MDFIC: variants seen among roughly 807,000 people sequenced by gnomAD.
MDFIC encodes the protein myoD family inhibitor domain-containing protein.
Under a neutral mutation model 23.2 loss-of-function variants are expected in MDFIC, and 17 were observed. That is an observed-to-expected ratio of 0.73 (90% confidence interval 0.50 to 1.10). The LOEUF (loss-of-function observed/expected upper bound fraction) is 1.10, where lower values mean the gene tolerates loss of function less well. Ranked by LOEUF, MDFIC falls within the 50% of genes least tolerant of loss-of-function variation. The pLI, the probability that MDFIC is intolerant of heterozygous loss-of-function variation, is 0.00. For synonymous variants in MDFIC, 120 were observed against 115.2 expected, an observed-to-expected ratio of 1.04 and a Z score of -0.27; for missense variants, 356 against 316.6, an observed-to-expected ratio of 1.12 and a Z score of -0.95.
In MDFIC at chr7:115,009,446, G is replaced by C. The variant is rs1322891955; in HGVS notation, c.494-6242G>C. ...AATAGTTTTCTGATGGCTCAATCAG[G>C]GTTCCTTTCACTTTAATAAACTGCA... On this transcript the variant is annotated intron_variant, in intron 4 of 4. Coordinates refer to ENST00000393486, the MANE Select transcript of MDFIC (RefSeq NM_001166345.3). Among the ~76,000 whole-genome samples, 4 of 152,242 alleles carry C rather than the reference G, an allele frequency of 2.6e-5. No homozygotes were observed. In the East Asian group the frequency reaches 7.7e-4, roughly 29 times the overall value.
intron 2 of MDFIC, among the ~76,000 whole-genome samples, chr7:114,925,432 G>A (rs1013253036): frequency 1.3e-5 from 2 of 152,128 alleles, no homozygotes; most frequent in Non-Finnish European, 2.9e-5. Context: ...AATTAGAAAG[G>A]TTGTCCATAT....
intron 4 of MDFIC, among the ~76,000 whole-genome samples, chr7:115,008,499 T>C (rs1481306130): frequency 6.6e-6 from 1 of 152,204 alleles, no homozygotes; most frequent in Non-Finnish European, 1.5e-5. Flanking sequence ...CTAAGATGTG[T>C]GGCCTCTTGG....
Position 114,922,602 on chromosome 7 carries a change from G to A in MDFIC, c.-142G>A, listed in dbSNP as rs746381905. 7.1e-6 allele frequency: 9 copies of A among 1,269,542 alleles called. No individual in the cohort carries two copies. In the East Asian group the frequency reaches 2.2e-4, roughly 31 times the overall value. 78.6% of individuals were successfully genotyped at this position (1,269,542 alleles called of 1,614,324 possible). A position where few individuals can be genotyped will look rare whatever the true frequency, so the allele number is the denominator to read the frequency against. ...GGCGGAAGAGGAGGAGGAGGAGGAG[G>A]AAGGGGCTTGGAGCGACTACGGGGG... On this transcript the variant is annotated 5_prime_UTR_variant, in exon 1 of 5. Coordinates refer to ENST00000393486, the MANE Select transcript of MDFIC (RefSeq NM_001166345.3).
At chr7:114,995,401 C>T (rs1791302076) in intron 4 of MDFIC, among the ~76,000 whole-genome samples, 1 of 152,138 alleles carries the variant, frequency 6.6e-6, no homozygotes, top group East Asian at 1.9e-4. Flanking sequence ...GAGCTGTGTT[C>T]CTTTGGAGGG....
At position 114,929,084 on chromosome 7, in the gene MDFIC, G is replaced by GATCGATCTATCTATCTATCTATCT. The variant is rs1554470006; in HGVS notation, c.94+5960_94+5961insGATCTATCTATCTATCTATCTATC. 1.7e-4 allele frequency among the ~76,000 whole-genome samples: 25 copies of GATCGATCTATCTATCTATCTATCT among 148,078 alleles called. 1 individual carries two copies. The highest frequency in any genetic ancestry group is 8.2e-4 in the East Asian group (4 of 4,868). ...AGATATAGATCTATAGATAAATATAGATCTATCTATCTATCTATCATCTAT... is the reference window on the plus strand; with the variant it reads ...AGATATAGATCTATAGATAAATATAGATCGATCTATCTATCTATCTATCTATCTATCTATCTATCTATCATCTAT... On this transcript the variant is annotated intron_variant, in intron 2 of 4. Transcript: ENST00000393486.
intron 4 of MDFIC, among the ~76,000 whole-genome samples, chr7:115,000,054 C>T (rs1346924859): frequency 6.6e-6 from 1 of 152,064 alleles, no homozygotes; most frequent in Non-Finnish European, 1.5e-5. Flanking sequence ...ATTTATTCTA[C>T]CTCAACTTTA....
chr7:115,001,512 C>G (rs1396097354), intron 4 of MDFIC, among the ~76,000 whole-genome samples: 2 of 152,126 alleles, frequency 1.3e-5, no homozygotes, highest in African/African-American at 4.8e-5. Flanking sequence ...TTAGAAGGAA[C>G]ATTTTAACAT....
chr7:114,951,866 C>T (rs1316045843), intron 3 of MDFIC, among the ~76,000 whole-genome samples: 2 of 152,078 alleles, frequency 1.3e-5, no homozygotes, highest in Non-Finnish European at 2.9e-5. Context: ...GAGATAGAAC[C>T]AGCTACATGA....
intron 3 of MDFIC, among the ~76,000 whole-genome samples, chr7:114,948,890 A>G (rs187915965): frequency 6.6e-6 from 1 of 152,336 alleles, no homozygotes; most frequent in East Asian, 1.9e-4. Context: ...AAGAAAAAAG[A>G]GACTGCTTTA....
intron 4 of MDFIC, among the ~76,000 whole-genome samples, chr7:114,991,287 A>C (rs990970431): frequency 4.4e-4 from 67 of 151,822 alleles, no homozygotes; most frequent in African/African-American, 1.2e-3. Context: ...AATTTTCTCC[A>C]ATTCTGTAGG....
intron 3 of MDFIC, among the ~76,000 whole-genome samples, chr7:114,954,929 C>T (rs1376612899): frequency 6.6e-6 from 1 of 152,100 alleles, no homozygotes; most frequent in South Asian, 2.1e-4. Context: ...CACTTTCTGC[C>T]TCTATAGTTC....
intron 2 of MDFIC, among the ~76,000 whole-genome samples, chr7:114,929,194 C>A (rs531283710): frequency 6.6e-6 from 1 of 152,056 alleles, no homozygotes. Flanking sequence ...GCAACTTCCA[C>A]CTCCCGGGTT....
At position 115,018,183 on chromosome 7, in the gene MDFIC, C is replaced by G. The variant is rs992840174; in HGVS notation, c.*2248C>G. On this transcript the variant is annotated 3_prime_UTR_variant, in exon 5 of 5. Transcript: ENST00000393486. ...AAATCTTTATACTATTTTACAGTAA[C>G]CACAATCTAAATATTTACATATACC... is the stretch of plus-strand genomic sequence containing the variant. The G allele has an allele frequency of 6.6e-6, 1 of 151,862 alleles. No individual in the cohort carries two copies. Among genetic ancestry groups the G allele is most frequent in the Non-Finnish European group, 1.5e-5 (1 of 67,840 alleles). The allele number at this position is 151,862 out of a possible 1,614,324, so 9.4% of individuals were successfully genotyped here.
rs946639594 is a variant in MDFIC at position 115,016,939 on chromosome 7, A to G, written c.*1004A>G. 5 of 152,266 alleles carry G rather than the reference A, an allele frequency of 3.3e-5. No individual in the cohort carries two copies. Among genetic ancestry groups the G allele is most frequent in the South Asian group, 2.1e-4 (1 of 4,838 alleles). 9.4% of individuals were successfully genotyped at this position (152,266 alleles called of 1,614,324 possible). ...CACAAGGCATACTGAAGTGAGGATT[A>G]TAAGAGAAATAAACTCAAAATGCTG... On this transcript the variant is annotated 3_prime_UTR_variant, in exon 5 of 5. Coordinates refer to ENST00000393486, the MANE Select transcript of MDFIC (RefSeq NM_001166345.3).
chr7:114,933,615 T>C lies in MDFIC; in HGVS notation c.95-8660T>C, dbSNP rs556940122. On this transcript the variant is annotated intron_variant, in intron 2 of 4. Transcript: ENST00000393486. ...CCAGTTAAGGGACCTGCTATAGATA[T>C]GGTGTCTCTGGATTTTGGCAATCAG... 1.3e-3 allele frequency among the ~76,000 whole-genome samples: 191 copies of C among 152,312 alleles called. 1 individual carries two copies. The highest frequency in any genetic ancestry group is 2.1e-3 in the Non-Finnish European group (140 of 68,020).
At chr7:114,981,810 G>C (rs978619365) in intron 4 of MDFIC, among the ~76,000 whole-genome samples, 13 of 152,122 alleles carry the variant, frequency 8.5e-5, no homozygotes, top group African/African-American at 2.9e-4. Context: ...TTCATGATTT[G>C]TTAGTATTTA....
At chr7:114,995,039 G>T (rs565015008) in intron 4 of MDFIC, among the ~76,000 whole-genome samples, 3 of 152,260 alleles carry the variant, frequency 2.0e-5, no homozygotes, top group East Asian at 1.9e-4. Context: ...TGGAGACTTT[G>T]TTCGTTTCTT....
intron 4 of MDFIC, among the ~76,000 whole-genome samples, chr7:114,986,251 T>C (rs1035336811): frequency 3.3e-5 from 5 of 152,148 alleles, no homozygotes; most frequent in Admixed American, 1.3e-4. Context: ...CTTTGTTTTC[T>C]TTTTAGGCTT....
chr7:114,996,880 A>G (rs759263792), intron 4 of MDFIC, among the ~76,000 whole-genome samples: 4 of 152,236 alleles, frequency 2.6e-5, no homozygotes, highest in Admixed American at 2.6e-4. Context: ...GCCCTGGGCC[A>G]TTATGCCACT....
Sources: allele counts gnomAD v4.1 joint callset (sites outside exome capture counted in the v4.1 genomes callset), GRCh38; gene constraint gnomAD v4.1.1; transcripts MANE v1.5; gene names NCBI Gene and HGNC (gene_info 2026-07-23, HGNC 2026-07-21).